The following DLG2 variants were observed in gnomAD, a reference collection of about 807,000 sequenced individuals.
DLG2 encodes disks large homolog 2.
A neutral mutation model predicts 132.5 loss-of-function variants in DLG2; 45 were observed. The observed-to-expected ratio is 0.34, with a 90% confidence interval of 0.27 to 0.44. DLG2 has a LOEUF of 0.44. Among genes scored for constraint, DLG2 ranks in the 20% least tolerant of loss-of-function variants. The probability of loss-of-function intolerance (pLI) is 1.00; values close to 1 mark genes in which losing one functional copy is unlikely to be tolerated. For synonymous variants in DLG2, 424 were observed against 419.6 expected (o/e 1.01, Z -0.13); for missense variants, 1,045 against 1,196.9 (o/e 0.87, Z 1.87).
At chr11:84,546,303 C>T (rs1413387465) in intron 6 of DLG2, among the ~76,000 whole-genome samples, 2 of 152,142 alleles carry the variant, frequency 1.3e-5, no homozygotes, top group African/African-American at 2.4e-5. Flanking sequence ...TCTCTTCCTC[C>T]TGCTCTGGCC....
chr11:85,170,813 G>C (rs553417289), intron 4 of DLG2, among the ~76,000 whole-genome samples: 2 of 152,040 alleles, frequency 1.3e-5, no homozygotes, highest in Admixed American at 6.6e-5. Context: ...AGACTTGCTG[G>C]GGATTTTATA....
intron 7 of DLG2, among the ~76,000 whole-genome samples, chr11:84,332,480 G>A (rs1196027315): frequency 3.4e-5 from 5 of 145,052 alleles, no homozygotes; most frequent in African/African-American, 7.7e-5. Flanking sequence ...AAAGTGCTGG[G>A]ATTACAGGTG....
At chr11:85,180,767 A>G (rs978300371) in intron 4 of DLG2, among the ~76,000 whole-genome samples, 1 of 151,852 alleles carries the variant, frequency 6.6e-6, no homozygotes, top group Non-Finnish European at 1.5e-5. Flanking sequence ...CATCAGGGGA[A>G]AAGATCCACA....
At chr11:84,348,864 A>C (rs1297080326) in intron 7 of DLG2, among the ~76,000 whole-genome samples, 1 of 152,220 alleles carries the variant, frequency 6.6e-6, no homozygotes, top group African/African-American at 2.4e-5. Flanking sequence ...AGGAATGCCA[A>C]GGATTGCAAG....
At chr11:84,905,474 G>T (rs2091398067) in intron 6 of DLG2, among the ~76,000 whole-genome samples, 1 of 152,112 alleles carries the variant, frequency 6.6e-6, no homozygotes, top group African/African-American at 2.4e-5. Flanking sequence ...TAATAAAATA[G>T]ATTTTCTCTT....
At chr11:83,596,995 T>C (rs185072431) in intron 19 of DLG2, among the ~76,000 whole-genome samples, 16 of 152,298 alleles carry the variant, frequency 1.1e-4, no homozygotes, top group African/African-American at 3.4e-4. Flanking sequence ...ATTATGAATA[T>C]ACTTGTTTTC....
chr11:84,877,281 G>C (rs1476332177), intron 6 of DLG2, among the ~76,000 whole-genome samples: 2 of 151,972 alleles, frequency 1.3e-5, no homozygotes, highest in Non-Finnish European at 2.9e-5. Context: ...TATTGACAGT[G>C]GGGTGTAAAA....
chr11:83,938,256 C>T (rs910921550), intron 14 of DLG2, among the ~76,000 whole-genome samples: 2 of 152,144 alleles, frequency 1.3e-5, no homozygotes, highest in Non-Finnish European at 2.9e-5. Context: ...GAAGTGAAAG[C>T]ACCTAATTCT....
At chr11:85,486,874 T>TAATCTGC (rs1478244271) in intron 3 of DLG2, among the ~76,000 whole-genome samples, 1 of 147,912 alleles carries the variant, frequency 6.8e-6, no homozygotes. Flanking sequence ...GGTGCGAGAG[T>TAATCTGC]AATCTGCTCT....
intron 17 of DLG2, among the ~76,000 whole-genome samples, chr11:83,820,365 C>A (rs1003882074): frequency 1.3e-5 from 2 of 152,142 alleles, no homozygotes; most frequent in African/African-American, 4.8e-5. Context: ...ATAATAATAC[C>A]ATCCCCTGCC....
chr11:84,132,185 C>T (rs557581541), intron 9 of DLG2, among the ~76,000 whole-genome samples: 2 of 151,958 alleles, frequency 1.3e-5, no homozygotes, highest in Admixed American at 1.3e-4. Context: ...GGTTAAACAG[C>T]TGGAGGTAAT....
chr11:83,545,531 G>A lies in DLG2; in HGVS notation c.1941-3673C>T, dbSNP rs534393619. On this transcript the variant is annotated intron_variant, in intron 19 of 27. Transcript: ENST00000376104. ...GGACCCAAAGTAGACCCTCAATACAGGTCTGTGAAAATGTTTCAGGTGACT... is the reference window on the plus strand; with the variant it reads ...GGACCCAAAGTAGACCCTCAATACAAGTCTGTGAAAATGTTTCAGGTGACT... 2.0e-5 allele frequency among the ~76,000 whole-genome samples: 3 copies of A among 152,146 alleles called. No individual in the cohort carries two copies. The South Asian group carries it at 6.2e-4, about 32-fold the overall frequency.
At chr11:85,343,116 A>T (rs2082608333) in intron 3 of DLG2, among the ~76,000 whole-genome samples, 1 of 150,836 alleles carries the variant, frequency 6.6e-6, no homozygotes, top group Non-Finnish European at 1.5e-5. Flanking sequence ...AATTGCCCTA[A>T]CTGTCTCAAA....
At chr11:85,370,734 C>T (rs1323497602) in intron 3 of DLG2, among the ~76,000 whole-genome samples, 1 of 152,120 alleles carries the variant, frequency 6.6e-6, no homozygotes, top group African/African-American at 2.4e-5. Flanking sequence ...TGGCACCTGG[C>T]TTTTTGAGTA....
chr11:84,599,249 G>A (rs1004035441), intron 6 of DLG2, among the ~76,000 whole-genome samples: 1 of 151,896 alleles, frequency 6.6e-6, no homozygotes, highest in Admixed American at 6.6e-5. Context: ...CATCTCAAAT[G>A]ATAATAATAA....
At chr11:85,579,636 T>C (rs185714129) in intron 3 of DLG2, among the ~76,000 whole-genome samples, 1 of 152,236 alleles carries the variant, frequency 6.6e-6, no homozygotes, top group Non-Finnish European at 1.5e-5. Flanking sequence ...AAGCATGATA[T>C]GGGGTAGCTT....
chr11:84,906,627 G>T (rs1247637523), intron 6 of DLG2, among the ~76,000 whole-genome samples: 3 of 151,974 alleles, frequency 2.0e-5, no homozygotes, highest in East Asian at 1.9e-4. Flanking sequence ...AACTGATATG[G>T]TTCCTACCAC....
intron 15 of DLG2, among the ~76,000 whole-genome samples, chr11:83,897,786 C>A (rs1307771428): frequency 1.3e-5 from 2 of 152,016 alleles, no homozygotes; most frequent in African/African-American, 2.4e-5. Context: ...ATGGTGGGAA[C>A]TGATAGAAAT....
intron 7 of DLG2, among the ~76,000 whole-genome samples, chr11:84,451,348 A>G (rs1183888330): frequency 1.3e-5 from 2 of 151,438 alleles, no homozygotes; most frequent in Admixed American, 6.6e-5. Flanking sequence ...TTCTTTGTAA[A>G]CTCTTCTAAA....
Sources: allele counts gnomAD v4.1 joint callset (sites outside exome capture counted in the v4.1 genomes callset), GRCh38; gene constraint gnomAD v4.1.1; transcripts MANE v1.5; gene names NCBI Gene and HGNC (gene_info 2026-07-23, HGNC 2026-07-21).